Variants in SAMD12 observed in about 807,000 individuals in gnomAD.
SAMD12 encodes sterile alpha motif domain containing 12.
A neutral mutation model predicts 15.0 loss-of-function variants in SAMD12; 9 were observed. The observed-to-expected ratio is 0.60, with a 90% CI of 0.36 to 1.05. The LOEUF (loss-of-function observed/expected upper bound fraction) is 1.05, where lower values mean the gene tolerates loss of function less well. Among genes scored for constraint, SAMD12 ranks in the 50% least tolerant of loss-of-function variants. The pLI is 0.01. For missense variants in SAMD12, 230 were observed against 234.2 expected, an observed-to-expected ratio of 0.98 and a Z score of 0.12; for synonymous variants, 86 against 90.1, an observed-to-expected ratio of 0.96 and a Z score of 0.25.
At chr8:118,501,344 G>A (rs905577715) in intron 2 of SAMD12, among the ~76,000 whole-genome samples, 3 of 152,132 alleles carry the variant, frequency 2.0e-5, no homozygotes, top group African/African-American at 7.2e-5. Context: ...CAGGAAATAA[G>A]TCTGTGATGT....
rs1822685841 is a variant in SAMD12, at chr8:118,439,917, C to G, written c.237G>C (p.Gln79His). ...TCTTCAACCACTTGCAGACATCCTG[C>G]TGGGTCCATAGAGCCACCGGTTTAG... ...KLSKPVALWT[Q>H]QDVCKWLKKH... is the part of the protein sequence containing the mutation. Residue 79 changes from glutamine (Q) to histidine (H), a missense_variant, in exon 3 of 4, where the codon CAG becomes CAC. Gln to His is a conservative substitution (Grantham distance 24, BLOSUM62 0). Coordinates refer to ENST00000314727, the MANE Select transcript of SAMD12 (RefSeq NM_207506.3). 6.2e-7 allele frequency: 1 copy of G among 1,613,614 alleles called. No homozygotes were observed. The highest frequency in any genetic ancestry group is 8.5e-7 in the Non-Finnish European group (1 of 1,179,682).
chr8:118,416,575 A>G (rs1265373453), intron 3 of SAMD12, among the ~76,000 whole-genome samples: 1 of 152,222 alleles, frequency 6.6e-6, no homozygotes, highest in Non-Finnish European at 1.5e-5. Context: ...GATAGAAGGA[A>G]TTGTCCTACG....
At chr8:118,346,551 T>G (rs1563781591) in intron 4 of SAMD12, among the ~76,000 whole-genome samples, 1 of 152,186 alleles carries the variant, frequency 6.6e-6, no homozygotes, top group East Asian at 1.9e-4. Flanking sequence ...GGCTGCATGC[T>G]GTAGAACAAA....
intron 4 of SAMD12, among the ~76,000 whole-genome samples, chr8:118,255,229 A>T (rs1368729948): frequency 6.6e-6 from 1 of 152,062 alleles, no homozygotes; most frequent in African/African-American, 2.4e-5. Context: ...TATGTTTTCT[A>T]AAAAAACCAT....
chr8:118,217,934 G>T (rs1449524093), intron 4 of SAMD12, among the ~76,000 whole-genome samples: 1 of 152,012 alleles, frequency 6.6e-6, no homozygotes, highest in Admixed American at 6.6e-5. Flanking sequence ...TCCCAATCCT[G>T]CCTGTTATTT....
At chr8:118,367,512 C>A (rs1032909138) in intron 4 of SAMD12, among the ~76,000 whole-genome samples, 2 of 152,204 alleles carry the variant, frequency 1.3e-5, no homozygotes, top group African/African-American at 4.8e-5. Context: ...ACAGTCAAGC[C>A]ACAAGGTCAA....
At chr8:118,402,959 C>CA in intron 3 of SAMD12, among the ~76,000 whole-genome samples, 1 of 152,274 alleles carries the variant, frequency 6.6e-6, no homozygotes, top group South Asian at 2.1e-4. Flanking sequence ...AGAAGCCAGC[C>CA]AGAATACATA....
chr8:118,222,009 A>G (rs976346055), intron 4 of SAMD12, among the ~76,000 whole-genome samples: 1 of 152,232 alleles, frequency 6.6e-6, no homozygotes, highest in Admixed American at 6.5e-5. Context: ...TGTGGGCCAC[A>G]TAAGTGGTAA....
chr8:118,367,935 A>G (rs566569663), intron 4 of SAMD12, among the ~76,000 whole-genome samples: 2 of 152,358 alleles, frequency 1.3e-5, no homozygotes, highest in South Asian at 4.1e-4. Context: ...TCTTGGATTA[A>G]ATGACCTAAT....
chr8:118,194,770 C>G (rs1819508050), exon 5 of SAMD12: 1 of 152,178 alleles, frequency 6.6e-6, no homozygotes, highest in Non-Finnish European at 1.5e-5. Flanking sequence ...GAAGAAAGTA[C>G]AGCACAGTTG....
intron 3 of SAMD12, among the ~76,000 whole-genome samples, chr8:118,395,566 A>G (rs1820514348): frequency 1.3e-5 from 2 of 152,328 alleles, no homozygotes; most frequent in South Asian, 4.1e-4. Context: ...CTCCAACCTC[A>G]AAGAGTTCAA....
At chr8:118,470,258 A>T (rs55802484) in intron 2 of SAMD12, among the ~76,000 whole-genome samples, 29,643 of 129,788 alleles carry the variant, frequency 0.23, 3,679 homozygotes, top group African/African-American at 0.52. Flanking sequence ...TTTTTTTTTT[A>T]AAAAAAAAGG....
chr8:118,465,663 GTTATT>G (rs1554668611), intron 2 of SAMD12, among the ~76,000 whole-genome samples: 1 of 151,764 alleles, frequency 6.6e-6, no homozygotes, highest in Non-Finnish European at 1.5e-5. Context: ...TTTAAAGGCA[GTTATT>G]TTATGTTAAA....
At chr8:118,232,839 C>A (rs1487417744) in intron 4 of SAMD12, among the ~76,000 whole-genome samples, 1 of 152,056 alleles carries the variant, frequency 6.6e-6, no homozygotes, top group Non-Finnish European at 1.5e-5. Context: ...AAGGCTGTGG[C>A]GCCGGGAGAT....
Position 118,534,199 on chromosome 8 carries a change from T to G in SAMD12, c.192+46516A>C, listed in dbSNP as rs540976065. ...AAGTATTTTATTTCTCCTTCACTTATGAAGCTTAGTTTGGCTGGATATGAA... is the reference window on the plus strand; with the variant it reads ...AAGTATTTTATTTCTCCTTCACTTAGGAAGCTTAGTTTGGCTGGATATGAA... On this transcript the variant is annotated intron_variant, in intron 2 of 3. Coordinates refer to ENST00000314727, the MANE Select transcript of SAMD12 (RefSeq NM_207506.3). 2.7e-3 allele frequency among the ~76,000 whole-genome samples: 416 copies of G among 152,238 alleles called. 1 individual carries two copies. The highest frequency in any genetic ancestry group is 9.3e-3 in the African/African-American group (388 of 41,540).
intron 2 of SAMD12, among the ~76,000 whole-genome samples, chr8:118,508,155 G>A (rs1471672984): frequency 1.3e-5 from 2 of 150,134 alleles, no homozygotes; most frequent in Non-Finnish European, 3.0e-5. Context: ...CACTGTGCCG[G>A]GCTCCCTTTT....
chr8:118,330,737 G>C (rs1816769504), intron 4 of SAMD12, among the ~76,000 whole-genome samples: 1 of 152,136 alleles, frequency 6.6e-6, no homozygotes, highest in Non-Finnish European at 1.5e-5. Context: ...ATGAAAAGCA[G>C]TAAAGAGGAG....
At chr8:118,593,053 C>A (rs1484362112) in intron 1 of SAMD12, among the ~76,000 whole-genome samples, 1 of 152,148 alleles carries the variant, frequency 6.6e-6, no homozygotes, top group Non-Finnish European at 1.5e-5. Context: ...TAGTAACATT[C>A]AGACTAAAGG....
chr8:118,139,335 A>G, the SAMD12 span, among the ~76,000 whole-genome samples: 5 of 152,318 alleles, frequency 3.3e-5, no homozygotes, highest in African/African-American at 9.6e-5. Flanking sequence ...AAAATTAACA[A>G]TAAGTTTCTA....
Sources: gnomAD v4.1 joint callset for allele counts (sites outside exome capture counted in the v4.1 genomes callset) on GRCh38, gnomAD v4.1.1 for gene constraint, MANE v1.5 for transcripts, NCBI Gene and HGNC (gene_info 2026-07-23, HGNC 2026-07-21) for gene names.